The following IQCM variants were observed in gnomAD, a reference collection of about 807,000 sequenced individuals.
IQCM encodes the protein IQ motif containing M, also known as IQ domain-containing protein M.
Under a neutral mutation model 57.6 loss-of-function variants are expected in IQCM, and 45 were observed. The observed-to-expected ratio is 0.78, with a 90% CI of 0.62 to 1.00. The LOEUF is 1.00. Among genes scored for constraint, IQCM ranks in the 50% least tolerant of loss-of-function variants. IQCM has a pLI of 0.00. For missense variants in IQCM, 468 were observed against 511.6 expected (o/e 0.91, Z 0.82); for synonymous variants, 148 against 158.9 (o/e 0.93, Z 0.51).
chr4:149,682,267 T>TC (rs1294666326), intron 6 of IQCM, 61 bp from the exon 7 acceptor site: 10 of 668,916 alleles, frequency 1.5e-5, no homozygotes, highest in Middle Eastern at 4.8e-4. Context: ...ATACAAATCT[T>TC]CAACACTAAA....
At chr4:149,488,935 T>C (rs1243720751) in intron 12 of IQCM, among the ~76,000 whole-genome samples, 1 of 152,086 alleles carries the variant, frequency 6.6e-6, no homozygotes, top group Admixed American at 6.6e-5. Context: ...TGAATGGCTA[T>C]GCAAAAACAG....
intron 7 of IQCM, among the ~76,000 whole-genome samples, chr4:149,664,101 T>C (rs957884391): frequency 3.3e-5 from 5 of 152,170 alleles, no homozygotes; most frequent in African/African-American, 4.8e-5. Context: ...ATGGTATTTT[T>C]ACTTCATTCA....
chr4:149,606,903 A>G (rs1340826328), intron 8 of IQCM, among the ~76,000 whole-genome samples: 2 of 152,152 alleles, frequency 1.3e-5, no homozygotes, highest in African/African-American at 2.4e-5. Flanking sequence ...GCACACATAC[A>G]ACATCTAGCA....
intron 12 of IQCM, among the ~76,000 whole-genome samples, chr4:149,497,908 G>A (rs1352078137): frequency 6.6e-6 from 1 of 152,012 alleles, no homozygotes; most frequent in Non-Finnish European, 1.5e-5. Flanking sequence ...GATGTTGAGT[G>A]GTTTTTGTTC....
chr4:149,780,041 A>C (rs1323270512), intron 2 of IQCM, among the ~76,000 whole-genome samples: 1 of 152,136 alleles, frequency 6.6e-6, no homozygotes, highest in African/African-American at 2.4e-5. Context: ...AATGTATCCA[A>C]AATAGCAAAT....
At chr4:149,597,961 C>T (rs955815958) in intron 8 of IQCM, among the ~76,000 whole-genome samples, 4 of 152,028 alleles carry the variant, frequency 2.6e-5, no homozygotes, top group Admixed American at 2.6e-4. Flanking sequence ...AGACATATTA[C>T]CTACAAAAGA....
At chr4:149,515,499 C>G (rs1560938218) in intron 12 of IQCM, among the ~76,000 whole-genome samples, 1 of 152,206 alleles carries the variant, frequency 6.6e-6, no homozygotes, top group East Asian at 1.9e-4. Context: ...CACCAATGCT[C>G]TCATGGGGAG....
At chr4:149,460,893 A>G (rs1738202233) in intron 12 of IQCM, among the ~76,000 whole-genome samples, 1 of 152,218 alleles carries the variant, frequency 6.6e-6, no homozygotes, top group Admixed American at 6.5e-5. Context: ...TCCCCTTGGC[A>G]TACTAGTGTT....
At chr4:149,710,670 TA>T (rs1304104263) in intron 5 of IQCM, among the ~76,000 whole-genome samples, 1 of 152,132 alleles carries the variant, frequency 6.6e-6, no homozygotes, top group Non-Finnish European at 1.5e-5. Context: ...TTCTAACCTT[TA>T]AAATATCTGT....
intron 12 of IQCM, among the ~76,000 whole-genome samples, chr4:149,438,404 G>A (rs1288071497): frequency 6.6e-6 from 1 of 152,010 alleles, no homozygotes; most frequent in African/African-American, 2.4e-5. Context: ...AGCCAATACT[G>A]TGAAGTTTTT....
At chr4:149,368,761 T>A (rs1269406761) in intron 13 of IQCM, among the ~76,000 whole-genome samples, 1 of 116,650 alleles carries the variant, frequency 8.6e-6, no homozygotes, top group African/African-American at 2.9e-5. Context: ...TACATGTATA[T>A]ATATATATAC....
At chr4:149,666,915 C>T (rs1760781622) in intron 7 of IQCM, among the ~76,000 whole-genome samples, 2 of 152,136 alleles carry the variant, frequency 1.3e-5, no homozygotes, top group African/African-American at 4.8e-5. Flanking sequence ...GAAAGAAAGG[C>T]AGCAGCACCA....
At chr4:149,472,736 A>G (rs934483962) in intron 12 of IQCM, among the ~76,000 whole-genome samples, 17 of 152,236 alleles carry the variant, frequency 1.1e-4, no homozygotes, top group Non-Finnish European at 2.5e-4. Flanking sequence ...ACAAGGCTAC[A>G]GTAACCAAAA....
chr4:149,705,438 T>C (rs143474638), intron 5 of IQCM, among the ~76,000 whole-genome samples: 2 of 151,576 alleles, frequency 1.3e-5, no homozygotes, highest in East Asian at 3.9e-4. Flanking sequence ...AGTTGTGGCA[T>C]TATTTTTTTA....
chr4:149,779,288 G>A (rs193280483), intron 2 of IQCM, among the ~76,000 whole-genome samples: 62 of 152,158 alleles, frequency 4.1e-4, no homozygotes, highest in Admixed American at 1.8e-3. Context: ...TCATATGAAA[G>A]TCAAGGAACT....
intron 5 of IQCM, among the ~76,000 whole-genome samples, chr4:149,704,097 TGTAAA>T (rs574587838): frequency 5.4e-4 from 82 of 152,060 alleles, no homozygotes; most frequent in African/African-American, 1.8e-3. Context: ...CCCCAATATA[TGTAAA>T]GTAATTTATC....
At chr4:149,396,908 T>A (rs1207778233) in intron 13 of IQCM, among the ~76,000 whole-genome samples, 2 of 152,064 alleles carry the variant, frequency 1.3e-5, no homozygotes, top group Non-Finnish European at 2.9e-5. Context: ...TTTGTAAGGT[T>A]GAATAATGTA....
intron 7 of IQCM, among the ~76,000 whole-genome samples, chr4:149,630,164 T>G (rs1252452122): frequency 1.3e-5 from 2 of 152,162 alleles, no homozygotes; most frequent in Admixed American, 6.5e-5. Flanking sequence ...GACAAGTCTA[T>G]CAAAGATTGA....
At chr4:149,590,247 C>CTTTT (rs71596214) in intron 8 of IQCM, among the ~76,000 whole-genome samples, 10 of 73,606 alleles carry the variant, frequency 1.4e-4, no homozygotes, top group East Asian at 4.3e-4. Context: ...TTTTTCTTTC[C>CTTTT]TTTTTTTTTT....
Sources: gnomAD v4.1 joint callset for allele counts (sites outside exome capture counted in the v4.1 genomes callset) on GRCh38, gnomAD v4.1.1 for gene constraint, MANE v1.5 for transcripts, NCBI Gene and HGNC (gene_info 2026-07-23, HGNC 2026-07-21) for gene names.